The following MBOAT7 variants were observed in gnomAD, a reference collection of about 807,000 sequenced individuals.
The protein encoded by MBOAT7 is membrane bound acylglycerophosphatidylinositol O-acyltransferase MBOAT7.
In MBOAT7, 40 loss-of-function variants were observed where a neutral mutation model predicts 47.4. The observed-to-expected ratio is 0.84, with a 90% CI of 0.66 to 1.10. The LOEUF (loss-of-function observed/expected upper bound fraction) is 1.10, where lower values mean the gene tolerates loss of function less well. Among genes scored for constraint, MBOAT7 ranks in the 50% least tolerant of loss-of-function variants. The pLI is 0.00. For synonymous variants in MBOAT7, 361 were observed against 292.0 expected, an observed-to-expected ratio of 1.24 and a Z score of -2.41; for missense variants, 680 against 655.6, an observed-to-expected ratio of 1.04 and a Z score of -0.41.
chr19:54,179,078 C>G, intron 6 of MBOAT7, 137 bp from the exon 7 acceptor site: 3 of 1,272,502 alleles, frequency 2.4e-6, no homozygotes, highest in Non-Finnish European at 3.2e-6. Flanking sequence ...GTCAGACTTG[C>G]TAGGGCAGCA....
rs780417094 is a variant in MBOAT7, at chr19:54,180,700, C to T, written c.854+73G>A. On this transcript the variant is annotated intron_variant, in intron 6 of 7. Transcript: ENST00000245615. The surrounding 1 kb of genome is among the most constrained non-coding windows in gnomAD (Gnocchi z 5.2). ...GGCCCCTTGCTCCCCGCTCTCCTCC[C>T]GGCTAGGGGCAGAGCCAGCCCTTGG... 3.2e-5 allele frequency: 45 copies of T among 1,391,064 alleles called. 1 individual carries two copies. The highest frequency in any genetic ancestry group is 2.6e-4 in the Middle Eastern group (1 of 3,810). The allele number at this position is 1,391,064 out of a possible 1,614,324, so 86.2% of individuals were successfully genotyped here.
rs530531478 is a variant in MBOAT7 at position 54,180,902 on chromosome 19, C to A, written c.725G>T (p.Arg242Leu). ...FYMIPVFFAFRMRFYVAWIAA... is the reference protein window; with the variant it reads ...FYMIPVFFAFLMRFYVAWIAA... ...AATCCAGGCCACGTAGAAGCGCATG[C>A]GGAAGGCGAAGAAGACGGGGATCAT... The change falls in exon 6 of 8, where the codon CGC becomes CTC. Residue 242 changes from arginine (R) to leucine (L), a missense_variant. Transcript: ENST00000245615. The surrounding 1 kb of genome is among the most constrained non-coding windows in gnomAD (Gnocchi z 5.2). 1 of 1,597,636 alleles carries A rather than the reference C, an allele frequency of 6.3e-7. No homozygotes were observed. The highest frequency in any genetic ancestry group is 1.8e-5 in the Admixed American group (1 of 56,334).
intron 4 of MBOAT7, chr19:54,186,849 G>A: frequency 2.6e-6 from 1 of 382,440 alleles, no homozygotes; most frequent in Non-Finnish European, 4.8e-6. Flanking sequence ...CAAAATAGCT[G>A]GCTACAGAGA....
At chr19:54,176,005 G>A (rs1244738833) in intron 7 of MBOAT7, among the ~76,000 whole-genome samples, 1 of 152,108 alleles carries the variant, frequency 6.6e-6, no homozygotes, top group Non-Finnish European at 1.5e-5. Flanking sequence ...TTACAGGCGT[G>A]AGCCACTGCA....
intron 7 of MBOAT7, among the ~76,000 whole-genome samples, chr19:54,177,336 C>T (rs1031909757): frequency 4.6e-5 from 7 of 151,926 alleles, no homozygotes; most frequent in Admixed American, 3.3e-4. Flanking sequence ...CGCTCTGTTG[C>T]CCAGGCTGGA....
At chr19:54,175,575 T>G (rs968892657) in intron 7 of MBOAT7, among the ~76,000 whole-genome samples, 1 of 152,144 alleles carries the variant, frequency 6.6e-6, no homozygotes, top group African/African-American at 2.4e-5. Flanking sequence ...CTCACTCTTT[T>G]TATTTTTTTG....
chr19:54,174,096 T>C lies in MBOAT7; in HGVS notation c.1367A>G (p.Lys456Arg). Reference protein sequence around the residue: ...ALGGGSPSRRKAASQPTSLAP... With the variant: ...ALGGGSPSRRRAASQPTSLAP... ...AAGGCTGGTGGGCTGGGATGCTGCC[T>C]TCCGCCGGCTGGGGCTGCCCCCACC... is the stretch of plus-strand genomic sequence containing the variant. Residue 456 changes from lysine to arginine, a missense_variant, in exon 8 of 8, where the codon AAG becomes AGG. Transcript: ENST00000245615. 6.2e-7 allele frequency: 1 copy of C among 1,607,322 alleles called. No homozygotes were observed. The highest frequency in any genetic ancestry group is 8.5e-7 in the Non-Finnish European group (1 of 1,177,534).
rs141265915 is a variant in MBOAT7 at position 54,178,734 on chromosome 19, G to A, written c.1031+31C>T. On this transcript the variant is annotated intron_variant, in intron 7 of 7. Transcript: ENST00000245615. ...GCCTGCTGGGAGATGTAGTTCTGCA[G>A]TGTCACCTGAGACTGGGCGGGCTCA... 548 of 1,609,016 alleles carry A rather than the reference G, an allele frequency of 3.4e-4. 1 individual carries two copies. The highest frequency in any genetic ancestry group is 4.3e-4 in the Non-Finnish European group (506 of 1,177,066).
chr19:54,183,397 C>G, intron 5 of MBOAT7, 124 bp downstream of exon 5: 1 of 1,158,906 alleles, frequency 8.6e-7, no homozygotes, highest in African/African-American at 1.6e-5. Context: ...ACATGCCCAC[C>G]CTCACAGCAG....
chr19:54,186,486 C>T (rs1273758999), intron 4 of MBOAT7, among the ~76,000 whole-genome samples: 5 of 152,174 alleles, frequency 3.3e-5, no homozygotes, highest in Non-Finnish European at 5.9e-5. Context: ...CCCTTTTGCT[C>T]GTCCCAGAAA....
chr19:54,180,808 T>G lies in MBOAT7; in HGVS notation c.819A>C (p.Gly273=). The part of the protein sequence containing the change: ...AYPVAAKARA[G]GGPTLQCPPP... ...GTGGGCATTGGAGGGTGGGGCCGCC[T>G]CCGGCCCGGGCTTTGGCGGCCACGG... The change falls in exon 6 of 8, where the codon GGA becomes GGC. Residue 273 remains glycine, a synonymous_variant. Transcript: ENST00000245615. The surrounding 1 kb of genome is among the most constrained non-coding windows in gnomAD (Gnocchi z 5.2). 6.4e-7 allele frequency: 1 copy of G among 1,561,148 alleles called. No individual in the cohort carries two copies.
chr19:54,188,379 C>A, intron 2 of MBOAT7, 33 bp from the exon 3 acceptor site: 1 of 1,604,768 alleles, frequency 6.2e-7, no homozygotes, highest in Non-Finnish European at 8.5e-7. Context: ...AAGCCTGGAA[C>A]CTTCCAGAGG....
At position 54,180,408 on chromosome 19, in the gene MBOAT7, C is replaced by T. The variant is rs1182636806; in HGVS notation, c.854+365G>A. On this transcript the variant is annotated intron_variant, in intron 6 of 7. Coordinates refer to ENST00000245615, the MANE Select transcript of MBOAT7 (RefSeq NM_024298.5). The surrounding 1 kb of genome is among the most constrained non-coding windows in gnomAD (Gnocchi z 5.2). Reference sequence around the variant, plus strand: ...CCGTTTCCCTAGCAACAGAGGGTGACCCACCACTAGCAAAGGATGGCATCC... The same window carrying T: ...CCGTTTCCCTAGCAACAGAGGGTGATCCACCACTAGCAAAGGATGGCATCC... The T allele has an allele frequency of 1.6e-5, 3 of 191,650 alleles. No individual in the cohort carries two copies. The highest frequency in any genetic ancestry group is 3.2e-5 in the Non-Finnish European group (3 of 94,130). The allele number at this position is 191,650 out of a possible 1,614,324, so 11.9% of individuals were successfully genotyped here.
At chr19:54,188,067 A>AAGAAAGAAAGAC (rs530819793) in intron 3 of MBOAT7, 150 bp downstream of exon 3, 2 of 234,318 alleles carry the variant, frequency 8.5e-6, no homozygotes, top group African/African-American at 7.4e-5. Context: ...GAAAGAAAGA[A>AAGAAAGAAAGAC]AGACAAACAA....
rs2146990205 is a variant in MBOAT7 at position 54,180,897 on chromosome 19, G to A, written c.730C>T (p.Arg244Cys). ...GCGGCAATCCAGGCCACGTAGAAGC[G>A]CATGCGGAAGGCGAAGAAGACGGGG... is the stretch of plus-strand genomic sequence containing the variant. ...MIPVFFAFRMRFYVAWIAAEC... is the reference protein window; with the variant it reads ...MIPVFFAFRMCFYVAWIAAEC... Residue 244 changes from arginine to cysteine, a missense_variant, in exon 6 of 8, where the codon CGC (arginine) becomes TGC (cysteine). Transcript: ENST00000245615. This position sits in a 1 kb window ranked among gnomAD's most constrained non-coding sequence, Gnocchi z 5.2. 2 of 1,597,062 alleles carry A rather than the reference G, an allele frequency of 1.3e-6. No individual in the cohort carries two copies. Among genetic ancestry groups the A allele is most frequent in the East Asian group, 2.3e-5 (1 of 44,272 alleles).
rs568301361 is a variant in MBOAT7, at chr19:54,181,176, G to A, written c.494-43C>T. 3 of 1,448,376 alleles carry A rather than the reference G, an allele frequency of 2.1e-6. No homozygotes were observed. The South Asian group carries it at 4.4e-5, about 21-fold the overall frequency. The allele number at this position is 1,448,376 out of a possible 1,614,324, so 89.7% of individuals were successfully genotyped here. A position where few individuals can be genotyped will look rare whatever the true frequency, so the allele number is the denominator to read the frequency against. On this transcript the variant is annotated intron_variant, in intron 5 of 7. Coordinates refer to ENST00000245615, the MANE Select transcript of MBOAT7 (RefSeq NM_024298.5). ...AGGGCCGCGGTCAGACAGGCAGGTG[G>A]GCAGAGCTCAAGTCTGCAGGAGGAG...
At chr19:54,175,850 G>A (rs1007539145) in intron 7 of MBOAT7, among the ~76,000 whole-genome samples, 4 of 152,116 alleles carry the variant, frequency 2.6e-5, no homozygotes, top group South Asian at 2.1e-4. Context: ...TCAGCCTCCC[G>A]AGCAGCTGGG....
chr19:54,177,614 A>C (rs1458260010), intron 7 of MBOAT7, among the ~76,000 whole-genome samples: 1 of 147,280 alleles, frequency 6.8e-6, no homozygotes, highest in Non-Finnish European at 1.5e-5. Context: ...TTATTTTGAG[A>C]CAAAGTCTCT....
In MBOAT7 at chr19:54,173,721, G is replaced by A. The variant is rs2075980195; in HGVS notation, c.*323C>T. ...ACCCCACATTGTGGATGCAAAGAAA[G>A]GGAATTTGCCCAAAACCCACTGCCC... On this transcript the variant is annotated 3_prime_UTR_variant, in exon 8 of 8. Transcript: ENST00000245615. The A allele has an allele frequency of 2.9e-6, 1 of 339,114 alleles. No individual in the cohort carries two copies. Among genetic ancestry groups the A allele is most frequent in the Admixed American group, 4.5e-5 (1 of 22,418 alleles). The allele number at this position is 339,114 out of a possible 1,614,324, so 21.0% of individuals were successfully genotyped here.
Sources: gnomAD v4.1 joint callset for allele counts (sites outside exome capture counted in the v4.1 genomes callset) on GRCh38, gnomAD v4.1.1 for gene constraint, Gnocchi (gnomAD v3.1) non-coding constraint, MANE v1.5 for transcripts, NCBI Gene and HGNC (gene_info 2026-07-23, HGNC 2026-07-21) for gene names.